The following LRRC4B variants were observed in gnomAD, a reference collection of about 807,000 sequenced individuals.
LRRC4B encodes the protein leucine rich repeat containing 4B.
LRRC4B carries 1 observed loss-of-function variant against 7.3 expected under a neutral mutation model. That is an observed-to-expected ratio of 0.14 (90% CI 0.05 to 0.65). The LOEUF (loss-of-function observed/expected upper bound fraction) is 0.65, where lower values mean the gene tolerates loss of function less well. LRRC4B is among the 30% of genes least tolerant of loss of function. LRRC4B has a pLI of 0.84. For missense variants in LRRC4B, 730 were observed against 1,041.6 expected (o/e 0.70, Z 4.12); for synonymous variants, 500 against 499.2 (o/e 1.00, Z -0.02).
At chr19:50,566,285 C>T (rs1250352669) in intron 1 of LRRC4B, among the ~76,000 whole-genome samples, 1 of 150,782 alleles carries the variant, frequency 6.6e-6, no homozygotes, top group Non-Finnish European at 1.5e-5. Flanking sequence ...TCCTGTCTGG[C>T]GGCTGCGCGG....
intron 2 of LRRC4B, among the ~76,000 whole-genome samples, chr19:50,534,611 G>A (rs973765381): frequency 2.0e-5 from 3 of 152,126 alleles, no homozygotes; most frequent in Non-Finnish European, 2.9e-5. Flanking sequence ...ATGTGAATCC[G>A]GCAAAGGGAC....
chr19:50,540,426 G>A (rs1981488619), intron 2 of LRRC4B, among the ~76,000 whole-genome samples: 2 of 152,026 alleles, frequency 1.3e-5, no homozygotes, highest in South Asian at 2.1e-4. Flanking sequence ...GCAGTGGCAC[G>A]ATCTCAGCAC....
chr19:50,559,613 G>A (rs1599786992), intron 1 of LRRC4B, among the ~76,000 whole-genome samples: 1 of 152,232 alleles, frequency 6.6e-6, no homozygotes, highest in Non-Finnish European at 1.5e-5. Context: ...GGGCGTGAGA[G>A]CGAGTTTGCA....
chr19:50,527,262 G>C (rs1363636207), intron 2 of LRRC4B, among the ~76,000 whole-genome samples: 1 of 151,518 alleles, frequency 6.6e-6, no homozygotes, highest in Admixed American at 6.6e-5. Flanking sequence ...TCGATCTCCT[G>C]ACCTCGTGAT....
intron 2 of LRRC4B, among the ~76,000 whole-genome samples, chr19:50,532,730 G>A (rs1237403206): frequency 1.3e-5 from 2 of 152,192 alleles, no homozygotes; most frequent in Non-Finnish European, 2.9e-5. Context: ...GTTGGTGTGA[G>A]TAGAGACTGT....
At chr19:50,535,069 T>C (rs35083788) in intron 2 of LRRC4B, among the ~76,000 whole-genome samples, 40,701 of 151,676 alleles carry the variant, frequency 0.27, 6,230 homozygotes, top group South Asian at 0.34. Context: ...AGGGTTTCAC[T>C]GTGTTAGCCA....
chr19:50,520,979 G>T (rs1040278702), intron 2 of LRRC4B, among the ~76,000 whole-genome samples: 1 of 152,122 alleles, frequency 6.6e-6, no homozygotes, highest in South Asian at 2.1e-4. Context: ...TGCCTAAGCT[G>T]GAGACATCCC....
chr19:50,558,248 T>C (rs1164375904), intron 1 of LRRC4B, among the ~76,000 whole-genome samples: 5 of 149,558 alleles, frequency 3.3e-5, no homozygotes, highest in South Asian at 2.1e-4. Context: ...CATACATACA[T>C]ACACACACAC....
At chr19:50,531,341 A>G (rs1981051372) in intron 2 of LRRC4B, among the ~76,000 whole-genome samples, 1 of 152,214 alleles carries the variant, frequency 6.6e-6, no homozygotes, top group African/African-American at 2.4e-5. Flanking sequence ...GTGTTTTCCA[A>G]GTCTCCTTGG....
chr19:50,547,801 C>G lies in LRRC4B; in HGVS notation c.297+741G>C, dbSNP rs936343064. Among the ~76,000 whole-genome samples the G allele has an allele frequency of 4.0e-5, 6 of 151,688 alleles. No homozygotes were observed. The East Asian group carries it at 7.8e-4, about 20-fold the overall frequency. ...TTTCTAATAGCACAGCTCTGTCCCC[C>G]CAAGCCCTCGCTTACGGCCTATCCT... On this transcript the variant is annotated intron_variant, in intron 2 of 2. Transcript: ENST00000652263.
intron 2 of LRRC4B, among the ~76,000 whole-genome samples, chr19:50,525,010 T>C (rs1980740852): frequency 6.6e-6 from 1 of 152,238 alleles, no homozygotes; most frequent in South Asian, 2.1e-4. Context: ...ATGGCAGAGC[T>C]GGGCAGGGCT....
Position 50,556,375 on chromosome 19 carries a change from G to A in LRRC4B, c.-35-7502C>T, listed in dbSNP as rs1425298965. On this transcript the variant is annotated intron_variant, in intron 1 of 2. Coordinates refer to ENST00000652263, the MANE Select transcript of LRRC4B (RefSeq NM_001080457.2). This position sits in a 1 kb window ranked among gnomAD's most constrained non-coding sequence, Gnocchi z 4.2. ...CCCAGGCTCCTCCCACCCACCAGGC[G>A]CCTCCCACCCAGGCTCTTCCCATCC... Among the ~76,000 whole-genome samples, 2 of 151,670 alleles carry A rather than the reference G, an allele frequency of 1.3e-5. No individual in the cohort carries two copies. Among genetic ancestry groups the A allele is most frequent in the African/African-American group, 2.4e-5 (1 of 41,130 alleles).
At chr19:50,567,484 TC>T (rs1177332319) in intron 1 of LRRC4B, among the ~76,000 whole-genome samples, 1 of 148,236 alleles carries the variant, frequency 6.7e-6, no homozygotes, top group Non-Finnish European at 1.5e-5. Flanking sequence ...TGCCCGCCTC[TC>T]CCCCCTCCCC....
At chr19:50,524,938 A>T (rs567266963) in intron 2 of LRRC4B, among the ~76,000 whole-genome samples, 2 of 152,304 alleles carry the variant, frequency 1.3e-5, no homozygotes, top group South Asian at 4.1e-4. Context: ...CCTAAGAACA[A>T]GGACTGTGAT....
At chr19:50,545,721 CT>C (rs532216155) in intron 2 of LRRC4B, among the ~76,000 whole-genome samples, 1,902 of 131,888 alleles carry the variant, frequency 0.014, 31 homozygotes, top group African/African-American at 0.039. Flanking sequence ...AGAGTTATTA[CT>C]TTTTTTTTTT....
intron 2 of LRRC4B, among the ~76,000 whole-genome samples, chr19:50,534,392 C>T (rs182919137): frequency 3.7e-4 from 57 of 152,152 alleles, no homozygotes; most frequent in Admixed American, 1.4e-3. Context: ...TGGTTCTTGA[C>T]GCAGGTAAAT....
intron 2 of LRRC4B, among the ~76,000 whole-genome samples, chr19:50,520,329 A>G (rs1252663981): frequency 6.6e-6 from 1 of 150,936 alleles, no homozygotes; most frequent in Admixed American, 6.6e-5. Flanking sequence ...TTAAAACTGG[A>G]GTCAAGAATT....
intron 1 of LRRC4B, among the ~76,000 whole-genome samples, chr19:50,558,200 T>C (rs373826479): frequency 6.8e-5 from 10 of 147,700 alleles, no homozygotes; most frequent in Admixed American, 2.7e-4. Context: ...ACTGTATACA[T>C]ACACACACAC....
rs1178483659 is a variant in LRRC4B at position 50,556,863 on chromosome 19, G to A, written c.-35-7990C>T. Among the ~76,000 whole-genome samples the A allele has an allele frequency of 1.3e-5, 2 of 151,942 alleles. No homozygotes were observed. Among genetic ancestry groups the A allele is most frequent in the African/African-American group, 4.8e-5 (2 of 41,360 alleles). On this transcript the variant is annotated intron_variant, in intron 1 of 2. Coordinates refer to ENST00000652263, the MANE Select transcript of LRRC4B (RefSeq NM_001080457.2). The surrounding 1 kb of genome is among the most constrained non-coding windows in gnomAD (Gnocchi z 4.2). ...GTCCGAGGGCTAAGTGAGAGGGCGG[G>A]CACAGGGTGGGCCCCGGAACGTCCA...
Sources: gnomAD v4.1 joint callset for allele counts (sites outside exome capture counted in the v4.1 genomes callset) on GRCh38, gnomAD v4.1.1 for gene constraint, Gnocchi (gnomAD v3.1) non-coding constraint, MANE v1.5 for transcripts, NCBI Gene and HGNC (gene_info 2026-07-23, HGNC 2026-07-21) for gene names.